The following CNTN2 variants were observed in gnomAD, a reference collection of about 807,000 sequenced individuals.
CNTN2 encodes the protein contactin 2.
A neutral mutation model predicts 117.5 loss-of-function variants in CNTN2; 53 were observed. The observed-to-expected ratio is 0.45, with a 90% CI of 0.36 to 0.57. CNTN2 has a LOEUF of 0.57. Ranked by LOEUF, CNTN2 falls within the 20% of genes least tolerant of loss-of-function variation. CNTN2 has a pLI of 0.00. For synonymous variants in CNTN2, 530 were observed against 561.7 expected (o/e 0.94, Z 0.80); for missense variants, 1,106 against 1,404.3 (o/e 0.79, Z 3.39).
At position 205,067,266 on chromosome 1, in the gene CNTN2, G is replaced by A. The variant is rs761205461; in HGVS notation, c.2125+16G>A. On this transcript the variant is annotated intron_variant, in intron 16 of 22. Transcript: ENST00000331830. ...AGGGAAGCAGGTGAGAGTCCTGTGT[G>A]TCCCAAAAAGCTATCATCAGGGCAG... The A allele has an allele frequency of 6.2e-7, 1 of 1,604,214 alleles. No individual in the cohort carries two copies. Among genetic ancestry groups the A allele is most frequent in the Non-Finnish European group, 8.5e-7 (1 of 1,175,848 alleles).
Position 205,058,256 on chromosome 1 carries a change from C to T in CNTN2, c.291C>T (p.Ile97=). Reference sequence around the variant, plus strand: ...AGCTGGTGGGGGGCAACCTGGTCATCATGAACCCCACCAAGGCACAGGATG... The same window carrying T: ...AGCTGGTGGGGGGCAACCTGGTCATTATGAACCCCACCAAGGCACAGGATG... ...RHQLVGGNLV[I]MNPTKAQDAG... The change falls in exon 4 of 23, where the codon ATC becomes ATT. Residue 97 remains isoleucine, a synonymous_variant. Coordinates refer to ENST00000331830, the MANE Select transcript of CNTN2 (RefSeq NM_005076.5). This position sits in a 1 kb window ranked among gnomAD's most constrained non-coding sequence, Gnocchi z 4.3. 4 of 1,551,998 alleles carry T rather than the reference C, an allele frequency of 2.6e-6. No homozygotes were observed. Among genetic ancestry groups the T allele is most frequent in the Non-Finnish European group, 3.5e-6 (4 of 1,149,716 alleles).
chr1:205,059,728 C>A lies in CNTN2; in HGVS notation c.797+46C>A. 6.5e-7 allele frequency: 1 copy of A among 1,536,300 alleles called. No individual in the cohort carries two copies. The highest frequency in any genetic ancestry group is 9.0e-7 in the Non-Finnish European group (1 of 1,110,718). On this transcript the variant is annotated intron_variant, in intron 7 of 22. Coordinates refer to ENST00000331830, the MANE Select transcript of CNTN2 (RefSeq NM_005076.5). This position sits in a 1 kb window ranked among gnomAD's most constrained non-coding sequence, Gnocchi z 5.6. ...GAAGCAGAGCACGGTCTCTCGGGGG[C>A]ACAGGTGACCCCAGGGTGAGGGCAG...
At position 205,074,673 on chromosome 1, in the gene CNTN2, C is replaced by G. The variant is rs1025434922; in HGVS notation, c.*908C>G. The G allele has an allele frequency of 2.5e-6, 1 of 399,178 alleles. No homozygotes were observed. Among genetic ancestry groups the G allele is most frequent in the African/African-American group, 2.1e-5 (1 of 48,752 alleles). 24.7% of individuals were successfully genotyped at this position (399,178 alleles called of 1,614,324 possible). On this transcript the variant is annotated 3_prime_UTR_variant, in exon 23 of 23. Transcript: ENST00000331830. ...TTTGGGCAGGAGATGGCCAATCATGCGCCCACCTCTCCAGTGCTGCCTGCA... is the reference window on the plus strand; with the variant it reads ...TTTGGGCAGGAGATGGCCAATCATGGGCCCACCTCTCCAGTGCTGCCTGCA...
Position 205,061,966 on chromosome 1 carries a change from C to T in CNTN2, c.1075C>T (p.Arg359Cys), listed in dbSNP as rs371816961. Residue 359 changes from arginine (R) to cysteine (C), a missense_variant, in exon 9 of 23, where the codon CGC becomes TGC. Physicochemically the swap from Arg to Cys is radical, Grantham distance 180. Transcript: ENST00000331830. This position sits in a 1 kb window ranked among gnomAD's most constrained non-coding sequence, Gnocchi z 4.8. ...AAAGKPRPTVRWLRNGEPLAS... is the reference protein window; with the variant it reads ...AAAGKPRPTVCWLRNGEPLAS... The stretch of plus-strand genomic sequence containing the variant: ...CGCCGGCAAGCCCCGGCCTACAGTG[C>T]GCTGGCTGCGGAACGGGGAGCCTCT... The T allele has an allele frequency of 1.2e-6, 2 of 1,612,956 alleles. No homozygotes were observed. The highest frequency in any genetic ancestry group is 1.7e-6 in the Non-Finnish European group (2 of 1,179,574).
chr1:205,051,502 G>A (rs1213074152), intron 1 of CNTN2, among the ~76,000 whole-genome samples: 1 of 152,172 alleles, frequency 6.6e-6, no homozygotes, highest in Non-Finnish European at 1.5e-5. Flanking sequence ...AGAGTGGCAA[G>A]GACAGGGAGG....
chr1:205,056,611 T>C (rs1261170042), intron 2 of CNTN2, among the ~76,000 whole-genome samples: 3 of 152,142 alleles, frequency 2.0e-5, no homozygotes, highest in Non-Finnish European at 4.4e-5. Context: ...GGAAAGGAAC[T>C]AATTAGTTAA....
chr1:205,075,091 C>A lies in CNTN2; in HGVS notation c.*1326C>A, dbSNP rs1038409076. 1 of 395,174 alleles carries A rather than the reference C, an allele frequency of 2.5e-6. No homozygotes were observed. The highest frequency in any genetic ancestry group is 3.6e-5 in the East Asian group (1 of 27,944). The allele number at this position is 395,174 out of a possible 1,614,324, so 24.5% of individuals were successfully genotyped here. On this transcript the variant is annotated 3_prime_UTR_variant, in exon 23 of 23. Coordinates refer to ENST00000331830, the MANE Select transcript of CNTN2 (RefSeq NM_005076.5). ...AGGGTCTGGGATTCCCAAGGTCACA[C>A]AGCCCAGAAGAGATGGGGCTGGGTT...
In CNTN2 at chr1:205,058,272, G is replaced by A; in HGVS notation, c.307G>A (p.Ala103Thr). The change falls in exon 4 of 23, where the codon GCA becomes ACA. Residue 103 changes from alanine (A) to threonine (T), a missense_variant. Physicochemically the swap from Ala to Thr is moderately conservative, Grantham distance 58 (BLOSUM62 0). Transcript: ENST00000331830. The surrounding 1 kb of genome is among the most constrained non-coding windows in gnomAD (Gnocchi z 4.3). ...GNLVIMNPTK[A>T]QDAGVYQCLA... is the part of the protein sequence containing the mutation. ...CCTGGTCATCATGAACCCCACCAAG[G>A]CACAGGATGCCGGGGTCTACCAGTG... is the stretch of plus-strand genomic sequence containing the variant. 2 of 1,539,894 alleles carry A rather than the reference G, an allele frequency of 1.3e-6. No individual in the cohort carries two copies. The highest frequency in any genetic ancestry group is 4.0e-5 in the Admixed American group (2 of 50,064).
In CNTN2 at chr1:205,059,662, G is replaced by A. The variant is rs1045108778; in HGVS notation, c.777G>A (p.Leu259=). ...CACTGGTGGGGCAGCAGGTCACCCT[G>A]GAGTGCTTCGCCTTTGGGAAGTGAG... ...TYALVGQQVT[L]ECFAFGNPVP... is the part of the protein sequence containing the mutation. Residue 259 remains leucine, a synonymous_variant, in exon 7 of 23, where the codon CTG becomes CTA. Coordinates refer to ENST00000331830, the MANE Select transcript of CNTN2 (RefSeq NM_005076.5). This position sits in a 1 kb window ranked among gnomAD's most constrained non-coding sequence, Gnocchi z 5.6. 3 of 1,613,858 alleles carry A rather than the reference G, an allele frequency of 1.9e-6. No individual in the cohort carries two copies. The highest frequency in any genetic ancestry group is 2.7e-5 in the African/African-American group (2 of 74,874).
Position 205,077,489 on chromosome 1 carries a change from C to A in CNTN2, c.*3724C>A, listed in dbSNP as rs1020671309. ...CTCTGTCTCCCTGGGTGACACCCAC[C>A]CTAGGCTTCCTCCTGGATGTGATGG... On this transcript the variant is annotated 3_prime_UTR_variant, in exon 23 of 23. Coordinates refer to ENST00000331830, the MANE Select transcript of CNTN2 (RefSeq NM_005076.5). 1 of 152,226 alleles carries A rather than the reference C, an allele frequency of 6.6e-6. No homozygotes were observed. Among genetic ancestry groups the A allele is most frequent in the South Asian group, 2.1e-4 (1 of 4,832 alleles). The allele number at this position is 152,226 out of a possible 1,614,324, so 9.4% of individuals were successfully genotyped here.
rs118065192 is a variant in CNTN2, at chr1:205,067,617, G to T, written c.2125+367G>T. On this transcript the variant is annotated intron_variant, in intron 16 of 22. Coordinates refer to ENST00000331830, the MANE Select transcript of CNTN2 (RefSeq NM_005076.5). The stretch of plus-strand genomic sequence containing the variant: ...GGTAGACAGATGTCTTCCTGGAAGA[G>T]TATGCACTACAGAAATCAGTTAATG... The T allele has an allele frequency of 5.8e-4, 105 of 180,854 alleles. 2 individuals carry two copies. The East Asian group carries it at 0.013, about 22-fold the overall frequency. 11.2% of individuals were successfully genotyped at this position (180,854 alleles called of 1,614,324 possible). A position where few individuals can be genotyped will look rare whatever the true frequency, so the allele number is the denominator to read the frequency against.
chr1:205,072,664 C>G, intron 21 of CNTN2, 69 bp downstream of exon 21: 1 of 1,197,494 alleles, frequency 8.4e-7, no homozygotes, highest in Admixed American at 1.8e-5. Flanking sequence ...TGAACATAAG[C>G]AGCAGCAATT....
Position 205,053,200 on chromosome 1 carries a change from C to G in CNTN2, c.15C>G (p.Thr5=). ...GGACATCCACCATGGGGACAGCCAC[C>G]AGGAGGAAGCCACACCTGCTGCTGG... MGTA[T]RRKPHLLLVA... Residue 5 remains threonine, a synonymous_variant, in exon 2 of 23, where the codon ACC becomes ACG. Coordinates refer to ENST00000331830, the MANE Select transcript of CNTN2 (RefSeq NM_005076.5). 6.2e-7 allele frequency: 1 copy of G among 1,612,730 alleles called. No homozygotes were observed. Among genetic ancestry groups the G allele is most frequent in the South Asian group, 1.1e-5 (1 of 90,816 alleles).
rs1214925765 is a variant in CNTN2 at position 205,076,888 on chromosome 1, G to C, written c.*3123G>C. 2 of 152,226 alleles carry C rather than the reference G, an allele frequency of 1.3e-5. No homozygotes were observed. Among genetic ancestry groups the C allele is most frequent in the African/African-American group, 2.4e-5 (1 of 41,446 alleles). The allele number at this position is 152,226 out of a possible 1,614,324, so 9.4% of individuals were successfully genotyped here. A position where few individuals can be genotyped will look rare whatever the true frequency, so the allele number is the denominator to read the frequency against. ...TGCCAGGGAGTGGCAAGGCCATGGG[G>C]GTAGGTGGGGGTGTCTTTTTCTTTT... On this transcript the variant is annotated 3_prime_UTR_variant, in exon 23 of 23. Transcript: ENST00000331830.
intron 14 of CNTN2, chr1:205,066,130 C>A: frequency 3.1e-6 from 2 of 647,602 alleles, no homozygotes; most frequent in Non-Finnish European, 5.2e-6. Flanking sequence ...CACTCCTAAA[C>A]ACATCCCAAG....
intron 19 of CNTN2, 186 bp downstream of exon 19, chr1:205,070,724 C>T (rs1047655383): frequency 1.6e-5 from 8 of 498,152 alleles, no homozygotes; most frequent in Admixed American, 3.3e-5. Flanking sequence ...AGGCCAGGCG[C>T]GGTGGCTCAT....
At chr1:205,072,705 G>C in intron 21 of CNTN2, 110 bp downstream of exon 21, 1 of 799,476 alleles carries the variant, frequency 1.3e-6, no homozygotes, top group Non-Finnish European at 2.1e-6. Flanking sequence ...TGAGACATAA[G>C]CAAAGGGTTT....
In CNTN2 at chr1:205,064,579, C is replaced by A. The variant is rs989565095; in HGVS notation, c.1392-44C>A. 1.9e-6 allele frequency: 3 copies of A among 1,607,008 alleles called. No homozygotes were observed. In the Admixed American group the frequency reaches 5.0e-5, roughly 27 times the overall value. ...CACAGGAGTTGGCCAGCCCCAGGGA[C>A]AACCATGCCTGAGTTGGCCACATCT... On this transcript the variant is annotated intron_variant, in intron 11 of 22. Coordinates refer to ENST00000331830, the MANE Select transcript of CNTN2 (RefSeq NM_005076.5).
chr1:205,062,574 G>A lies in CNTN2; in HGVS notation c.1240+5G>A. ...GCGCCGAGCTAGCCGTGCAAGGTAA[G>A]GGGCCCAGGGAGGCAGGGGACATCC... On this transcript the variant is annotated splice_donor_5th_base_variant and intron_variant, in intron 10 of 22. Transcript: ENST00000331830. The A allele has an allele frequency of 6.2e-7, 1 of 1,611,190 alleles. No individual in the cohort carries two copies.
Sources: allele counts gnomAD v4.1 joint callset (sites outside exome capture counted in the v4.1 genomes callset), GRCh38; gene constraint gnomAD v4.1.1; non-coding constraint Gnocchi (gnomAD v3.1); transcripts MANE v1.5; gene names NCBI Gene and HGNC (gene_info 2026-07-23, HGNC 2026-07-21).